Variants in RBFOX1 observed in about 807,000 individuals in gnomAD.
The protein encoded by RBFOX1 is RNA binding fox-1 homolog 1, also known as RNA binding protein fox-1 homolog 1.
A neutral mutation model predicts 57.7 loss-of-function variants in RBFOX1; 8 were observed. The ratio of observed to expected loss-of-function variants is 0.14; its 90% CI spans 0.08 to 0.25. The LOEUF is 0.25. Ranked by LOEUF, RBFOX1 falls within the 10% of genes least tolerant of loss-of-function variation. RBFOX1 has a pLI of 1.00. For synonymous variants in RBFOX1, 326 were observed against 222.4 expected, an observed-to-expected ratio of 1.47 and a Z score of -4.15; for missense variants, 611 against 548.5, an observed-to-expected ratio of 1.11 and a Z score of -1.14.
At chr16:5,390,881 C>T (rs1292116963) in intron 1 of RBFOX1, among the ~76,000 whole-genome samples, 2 of 152,114 alleles carry the variant, frequency 1.3e-5, no homozygotes, top group African/African-American at 4.8e-5. Flanking sequence ...AAGCTAGGAC[C>T]CACCCAGAGG....
intron 4 of RBFOX1, among the ~76,000 whole-genome samples, chr16:7,441,596 T>A (rs905040039): frequency 1.3e-5 from 2 of 152,226 alleles, no homozygotes; most frequent in Non-Finnish European, 2.9e-5. Flanking sequence ...ATGATTTGTT[T>A]TTGCTTTTTT....
intron 1 of RBFOX1, among the ~76,000 whole-genome samples, chr16:6,098,674 A>T (rs192629667): frequency 7.9e-5 from 12 of 152,264 alleles, no homozygotes; most frequent in African/African-American, 2.4e-4. Context: ...ATTCATTTCC[A>T]CCAAAAAGCT....
intron 1 of RBFOX1, among the ~76,000 whole-genome samples, chr16:5,432,262 G>A (rs939973187): frequency 2.0e-5 from 3 of 152,124 alleles, no homozygotes; most frequent in Admixed American, 1.3e-4. Context: ...ATAAAAACAT[G>A]GTTACAGTAA....
At chr16:5,467,830 A>G (rs2151612195) in intron 2 of RBFOX1, among the ~76,000 whole-genome samples, 1 of 152,258 alleles carries the variant, frequency 6.6e-6, no homozygotes, top group Middle Eastern at 3.4e-3. Flanking sequence ...TGTTGTATCC[A>G]CTCTTCAATT....
rs1387551893 is a variant in RBFOX1, at chr16:6,562,860, CTTTCTTTCTTTCTTTCTTTCTTTT to C, written c.-63-91739_-63-91716del. 1.4e-3 allele frequency among the ~76,000 whole-genome samples: 70 copies of C among 49,020 alleles called. 1 individual carries two copies. The highest frequency in any genetic ancestry group is 0.01 in the African/African-American group (65 of 6,306). 32.2% of individuals were successfully genotyped at this position (49,020 alleles called of 152,430 possible). On this transcript the variant is annotated intron_variant, in intron 2 of 15. Coordinates refer to ENST00000550418, the MANE Select transcript of RBFOX1 (RefSeq NM_018723.4). ...TCTTTCTTTCTTTCTTTCTTTCTTT[CTTTCTTTCTTTCTTTCTTTCTTTT>C]TTTTTTTTTTTTTTGCATAGTTGTT...
intron 4 of RBFOX1, among the ~76,000 whole-genome samples, chr16:5,961,825 G>A (rs73516292): frequency 0.016 from 2,496 of 152,248 alleles, 68 homozygotes; most frequent in African/African-American, 0.057. Context: ...ATCATGTCCC[G>A]CCTCCCCTTG....
At chr16:6,968,953 G>A (rs991366268) in intron 3 of RBFOX1, among the ~76,000 whole-genome samples, 1 of 152,016 alleles carries the variant, frequency 6.6e-6, no homozygotes, top group Non-Finnish European at 1.5e-5. Context: ...GACCAGATTA[G>A]TGGGTGCTCA....
intron 1 of RBFOX1, among the ~76,000 whole-genome samples, chr16:6,087,238 C>A (rs993316183): frequency 6.6e-6 from 1 of 152,162 alleles, no homozygotes; most frequent in Non-Finnish European, 1.5e-5. Context: ...TTAGGTCCAA[C>A]GAAAAGGTGT....
chr16:7,709,617 C>T, intron 15 of RBFOX1: 1 of 1,531,856 alleles, frequency 6.5e-7, no homozygotes, highest in East Asian at 2.4e-5. Flanking sequence ...TGTTTAAAGT[C>T]ATAGTCGCCC....
Position 6,532,197 on chromosome 16 carries a change from T to A in RBFOX1, c.-63-122406T>A, listed in dbSNP as rs898231231. 1.5e-4 allele frequency among the ~76,000 whole-genome samples: 23 copies of A among 152,282 alleles called. No individual in the cohort carries two copies. The South Asian group carries it at 2.9e-3, about 19-fold the overall frequency. The stretch of plus-strand genomic sequence containing the variant: ...GAAAGTTCCTTTAGGAAACTCTTTA[T>A]CTTCCAGAGTGGGAAGGCAAAGTAC... On this transcript the variant is annotated intron_variant, in intron 2 of 15. Transcript: ENST00000550418.
At chr16:5,284,524 TG>T (rs2063344215) in intron 1 of RBFOX1, among the ~76,000 whole-genome samples, 1 of 151,208 alleles carries the variant, frequency 6.6e-6, no homozygotes, top group Admixed American at 6.6e-5. Context: ...TTTGCTTATC[TG>T]GGAAATATTT....
chr16:7,457,947 G>C (rs1242588177), intron 4 of RBFOX1, among the ~76,000 whole-genome samples: 2 of 152,102 alleles, frequency 1.3e-5, no homozygotes, highest in Non-Finnish European at 2.9e-5. Context: ...TTGTGCCCCA[G>C]GACATTTGCA....
intron 14 of RBFOX1, among the ~76,000 whole-genome samples, chr16:7,702,652 C>T (rs893255860): frequency 6.6e-6 from 1 of 152,172 alleles, no homozygotes; most frequent in Non-Finnish European, 1.5e-5. Context: ...TCTTTCTTTT[C>T]CTGGCCAATA....
At chr16:7,450,593 G>A (rs1447103828) in intron 4 of RBFOX1, among the ~76,000 whole-genome samples, 5 of 152,152 alleles carry the variant, frequency 3.3e-5, no homozygotes, top group Admixed American at 6.5e-5. Context: ...GGAAAAGAGC[G>A]TTAATGTGAC....
intron 2 of RBFOX1, among the ~76,000 whole-genome samples, chr16:6,621,670 C>G (rs947244076): frequency 6.6e-6 from 1 of 152,128 alleles, no homozygotes; most frequent in Non-Finnish European, 1.5e-5. Flanking sequence ...CTGTATCAAC[C>G]CCATTGCAAA....
chr16:6,801,199 C>CAAAAAA (rs200091675), intron 3 of RBFOX1, among the ~76,000 whole-genome samples: 1 of 91,570 alleles, frequency 1.1e-5, no homozygotes. Context: ...ATTGAACATG[C>CAAAAAA]AAAAAAAAAA....
At chr16:6,495,206 C>T (rs564840064) in intron 2 of RBFOX1, among the ~76,000 whole-genome samples, 3 of 152,246 alleles carry the variant, frequency 2.0e-5, no homozygotes, top group East Asian at 3.9e-4. Flanking sequence ...GCAACTTCTG[C>T]CTCCCGGATT....
chr16:6,481,801 T>C (rs2076459061), intron 2 of RBFOX1, among the ~76,000 whole-genome samples: 1 of 152,216 alleles, frequency 6.6e-6, no homozygotes, highest in Admixed American at 6.6e-5. Flanking sequence ...ATCCGTTAAA[T>C]GCCACTGACC....
At position 6,807,370 on chromosome 16, in the gene RBFOX1, G is replaced by T. The variant is rs370037337; in HGVS notation, c.-16+152720G>T. Among the ~76,000 whole-genome samples, 12 of 152,244 alleles carry T rather than the reference G, an allele frequency of 7.9e-5. 1 individual carries two copies. The highest frequency in any genetic ancestry group is 2.9e-4 in the African/African-American group (12 of 41,554). On this transcript the variant is annotated intron_variant, in intron 3 of 15. Coordinates refer to ENST00000550418, the MANE Select transcript of RBFOX1 (RefSeq NM_018723.4). ...GGAATTTTGAGACAAGGATGAGTGA[G>T]TCCAAGTTGATTTCTGCATTTAGGG...
Sources: allele counts gnomAD v4.1 joint callset (sites outside exome capture counted in the v4.1 genomes callset), GRCh38; gene constraint gnomAD v4.1.1; transcripts MANE v1.5; gene names NCBI Gene and HGNC (gene_info 2026-07-23, HGNC 2026-07-21).